Variants in KCNK10 observed in about 807,000 individuals in gnomAD.
KCNK10 encodes the protein potassium two pore domain channel subfamily K member 10, also known as potassium channel subfamily K member 10.
A neutral mutation model predicts 47.7 loss-of-function variants in KCNK10; 25 were observed. The ratio of observed to expected loss-of-function variants is 0.52; its 90% CI spans 0.38 to 0.73. The LOEUF is 0.73. KCNK10 is among the 30% of genes least tolerant of loss of function. The pLI is 0.00. For missense variants in KCNK10, 563 were observed against 714.5 expected (o/e 0.79, Z 2.42); for synonymous variants, 303 against 285.6 (o/e 1.06, Z -0.61).
chr14:88,236,483 G>A (rs750208808), intron 3 of KCNK10, among the ~76,000 whole-genome samples: 42 of 152,198 alleles, frequency 2.8e-4, no homozygotes, highest in Non-Finnish European at 2.6e-4. Context: ...TTTCAGCCAA[G>A]TAAGTGATCA....
rs549865589 is a variant in KCNK10 at position 88,322,072 on chromosome 14, C to T, written c.52+675G>A. Among the ~76,000 whole-genome samples the T allele has an allele frequency of 6.6e-6, 1 of 152,346 alleles. No individual in the cohort carries two copies. Among genetic ancestry groups the T allele is most frequent in the Non-Finnish European group, 1.5e-5 (1 of 68,034 alleles). ...TAAAAGCATGCAAACCACACCATTG[C>T]TTGGGCGGGCACACTTCGTGCCCCT... is the stretch of plus-strand genomic sequence containing the variant. On this transcript the variant is annotated intron_variant, in intron 1 of 6. Transcript: ENST00000319231. The surrounding 1 kb of genome is among the most constrained non-coding windows in gnomAD (Gnocchi z 4.8).
intron 1 of KCNK10, among the ~76,000 whole-genome samples, chr14:88,283,858 G>A (rs767213986): frequency 2.9e-4 from 44 of 152,078 alleles, no homozygotes; most frequent in Non-Finnish European, 1.0e-4. Context: ...AGGTTGCAGT[G>A]AGCTGAGATT....
intron 1 of KCNK10, among the ~76,000 whole-genome samples, chr14:88,306,103 T>C (rs1460832935): frequency 6.6e-6 from 1 of 152,154 alleles, no homozygotes; most frequent in Non-Finnish European, 1.5e-5. Context: ...AGCAGGAGGA[T>C]AGGGACAGGC....
intron 3 of KCNK10, among the ~76,000 whole-genome samples, chr14:88,239,713 G>C (rs951536479): frequency 1.3e-5 from 2 of 151,872 alleles, no homozygotes; most frequent in Admixed American, 6.6e-5. Flanking sequence ...ACAAAAATTA[G>C]CTAGGCATGG....
rs1884486346 is a variant in KCNK10, at chr14:88,184,832, C to T, written c.*703G>A. ...GGACTACCTACCCCTGTGAGAAAGA[C>T]CAAACTCAGCAGGCTTCTGTCATTG... On this transcript the variant is annotated 3_prime_UTR_variant, in exon 7 of 7. Transcript: ENST00000319231. 1 of 152,376 alleles carries T rather than the reference C, an allele frequency of 6.6e-6. No homozygotes were observed. The highest frequency in any genetic ancestry group is 2.4e-5 in the African/African-American group (1 of 41,432). The allele number at this position is 152,376 out of a possible 1,614,324, so 9.4% of individuals were successfully genotyped here.
chr14:88,260,720 G>A lies in KCNK10; in HGVS notation c.402+2482C>T, dbSNP rs968389513. On this transcript the variant is annotated intron_variant, in intron 2 of 6. Coordinates refer to ENST00000319231, the MANE Select transcript of KCNK10 (RefSeq NM_138317.3). The surrounding 1 kb of genome is among the most constrained non-coding windows in gnomAD (Gnocchi z 4.5). Reference sequence around the variant, plus strand: ...TAGAGTGTTGTTGATAAGATTAAATGAGATAATGGGTATATGATGCCCAGC... The same window carrying A: ...TAGAGTGTTGTTGATAAGATTAAATAAGATAATGGGTATATGATGCCCAGC... 6.6e-6 allele frequency among the ~76,000 whole-genome samples: 1 copy of A among 152,196 alleles called. No homozygotes were observed. Among genetic ancestry groups the A allele is most frequent in the African/African-American group, 2.4e-5 (1 of 41,446 alleles).
chr14:88,275,892 A>G (rs1659892260), intron 1 of KCNK10, among the ~76,000 whole-genome samples: 1 of 151,870 alleles, frequency 6.6e-6, no homozygotes, highest in African/African-American at 2.4e-5. Context: ...ACATCCTGAA[A>G]ATAGGCTCCG....
At chr14:88,268,163 C>T (rs557110709) in intron 1 of KCNK10, among the ~76,000 whole-genome samples, 3 of 152,316 alleles carry the variant, frequency 2.0e-5, no homozygotes, top group African/African-American at 7.2e-5. Context: ...CATCTTCCAG[C>T]CTAAGGAAGT....
intron 1 of KCNK10, among the ~76,000 whole-genome samples, chr14:88,276,870 G>C (rs187323365): frequency 1.1e-4 from 16 of 152,366 alleles, no homozygotes; most frequent in Non-Finnish European, 1.9e-4. Context: ...ATGTCATGAA[G>C]ACATCCAAGT....
intron 3 of KCNK10, among the ~76,000 whole-genome samples, chr14:88,232,072 G>A (rs1472901116): frequency 5.3e-5 from 8 of 152,050 alleles, no homozygotes; most frequent in Non-Finnish European, 5.9e-5. Flanking sequence ...CAAACCCTTG[G>A]TAACCTTTCC....
chr14:88,257,090 C>T (rs1404106511), intron 2 of KCNK10, among the ~76,000 whole-genome samples: 1 of 152,180 alleles, frequency 6.6e-6, no homozygotes, highest in Non-Finnish European at 1.5e-5. Flanking sequence ...GAGTAATTTT[C>T]AAGTTTTCTC....
chr14:88,287,759 G>T (rs1352857193), intron 1 of KCNK10, among the ~76,000 whole-genome samples: 1 of 151,368 alleles, frequency 6.6e-6, no homozygotes, highest in Non-Finnish European at 1.5e-5. Context: ...TGATTGATGG[G>T]CATTTGGGCT....
chr14:88,226,852 C>T (rs1362099835), intron 4 of KCNK10, among the ~76,000 whole-genome samples: 1 of 152,150 alleles, frequency 6.6e-6, no homozygotes, highest in Non-Finnish European at 1.5e-5. Flanking sequence ...GATGCCATTT[C>T]TGAGGGAGCA....
rs1404717642 is a variant in KCNK10, at chr14:88,184,677, T to C, written c.*858A>G. 4 of 152,324 alleles carry C rather than the reference T, an allele frequency of 2.6e-5. No individual in the cohort carries two copies. The highest frequency in any genetic ancestry group is 4.4e-5 in the Non-Finnish European group (3 of 68,028). 9.4% of individuals were successfully genotyped at this position (152,324 alleles called of 1,614,324 possible). On this transcript the variant is annotated 3_prime_UTR_variant, in exon 7 of 7. Coordinates refer to ENST00000319231, the MANE Select transcript of KCNK10 (RefSeq NM_138317.3). ...CTACCCCTCTTATCAAAACAAGTTA[T>C]AACCAAAGTACATGGACATTTCCAA...
rs1291289752 is a variant in KCNK10, at chr14:88,322,831, A to C, written c.-33T>G. On this transcript the variant is annotated 5_prime_UTR_variant, in exon 1 of 7. Transcript: ENST00000319231. The surrounding 1 kb of genome is among the most constrained non-coding windows in gnomAD (Gnocchi z 4.8). ...TTGCCCAGAAGGGGAAGAAATGAAA[A>C]GAACCCAAATAATAATAAAGTCCTC... The C allele has an allele frequency of 6.2e-7, 1 of 1,614,156 alleles. No individual in the cohort carries two copies. Among genetic ancestry groups the C allele is most frequent in the East Asian group, 2.2e-5 (1 of 44,878 alleles).
chr14:88,305,801 G>A (rs903189001), intron 1 of KCNK10, among the ~76,000 whole-genome samples: 3 of 152,158 alleles, frequency 2.0e-5, no homozygotes, highest in African/African-American at 7.2e-5. Context: ...ACCAATAAAA[G>A]GTGAAGTTTC....
intron 2 of KCNK10, among the ~76,000 whole-genome samples, chr14:88,252,497 CA>C (rs1886829624): frequency 6.6e-6 from 1 of 152,120 alleles, no homozygotes; most frequent in South Asian, 2.1e-4. Flanking sequence ...GTTTATGGGT[CA>C]TGCAAATTAC....
At chr14:88,246,357 C>T (rs1886641597) in intron 2 of KCNK10, among the ~76,000 whole-genome samples, 1 of 151,724 alleles carries the variant, frequency 6.6e-6, no homozygotes, top group African/African-American at 2.4e-5. Context: ...AACTGGCAGA[C>T]CACATTCATT....
At chr14:88,323,354 C>G (rs935547874), upstream of KCNK10, 27 of 944,942 alleles carry the variant, frequency 2.9e-5, no homozygotes, top group Admixed American at 1.1e-3. Flanking sequence ...CGACGCCCCC[C>G]ACTTCCCGCT....
Sources: allele counts gnomAD v4.1 joint callset (sites outside exome capture counted in the v4.1 genomes callset), GRCh38; gene constraint gnomAD v4.1.1; non-coding constraint Gnocchi (gnomAD v3.1); transcripts MANE v1.5; gene names NCBI Gene and HGNC (gene_info 2026-07-23, HGNC 2026-07-21).